KLHL2: variants seen among roughly 807,000 people sequenced by gnomAD.
The protein encoded by KLHL2 is kelch-like protein 2.
KLHL2 carries 15 observed loss-of-function variants against 75.8 expected under a neutral mutation model. The ratio of observed to expected loss-of-function variants is 0.20; its 90% CI spans 0.13 to 0.30. The LOEUF is 0.30. KLHL2 is among the 10% of genes least tolerant of loss of function. KLHL2 has a pLI of 1.00. For missense variants in KLHL2, 381 were observed against 741.0 expected, an observed-to-expected ratio of 0.51 and a Z score of 5.64; for synonymous variants, 214 against 251.9, an observed-to-expected ratio of 0.85 and a Z score of 1.42.
At chr4:165,294,498 A>G (rs1482263575) in intron 6 of KLHL2, 30 bp downstream of exon 6, 3 of 1,248,670 alleles carry the variant, frequency 2.4e-6, no homozygotes, top group Non-Finnish European at 3.5e-6. Context: ...CCCAGTGTGC[A>G]ATGATGTTTC....
intron 5 of KLHL2, among the ~76,000 whole-genome samples, chr4:165,268,114 A>G (rs1274535852): frequency 2.0e-5 from 3 of 151,772 alleles, no homozygotes; most frequent in African/African-American, 7.3e-5. Flanking sequence ...AATTTATAGT[A>G]TTCTCTCATG....
intron 5 of KLHL2, among the ~76,000 whole-genome samples, chr4:165,281,190 G>T (rs561771104): frequency 3.2e-4 from 49 of 151,758 alleles, no homozygotes; most frequent in African/African-American, 9.9e-4. Flanking sequence ...AAATACAAAG[G>T]GTACTTTGTA....
Position 165,279,790 on chromosome 4 carries a change from G to T in KLHL2, c.545-14569G>T, listed in dbSNP as rs970716295. ...CACTTCTTTACTGGCTGGCTAGCAG[G>T]CTACTGCGTTCTCTCTGCAGCTCAT... On this transcript the variant is annotated intron_variant, in intron 5 of 14. Transcript: ENST00000226725. The T allele has an allele frequency of 1.9e-5, 14 of 725,632 alleles. No homozygotes were observed. The Admixed American group carries it at 2.6e-4, about 14-fold the overall frequency. 44.9% of individuals were successfully genotyped at this position (725,632 alleles called of 1,614,324 possible).
Position 165,313,356 on chromosome 4 carries a change from G to A in KLHL2, c.1458G>A (p.Arg486=). 6 of 1,522,434 alleles carry A rather than the reference G, an allele frequency of 3.9e-6. No individual in the cohort carries two copies. Among genetic ancestry groups the A allele is most frequent in the Non-Finnish European group, 5.3e-6 (6 of 1,139,172 alleles). 94.3% of individuals were successfully genotyped at this position (1,522,434 alleles called of 1,614,324 possible). A position where few individuals can be genotyped will look rare whatever the true frequency, so the allele number is the denominator to read the frequency against. The change falls in exon 12 of 15, where the codon CGG becomes CGA. Residue 486 remains arginine, a synonymous_variant. Transcript: ENST00000226725. ...WTYIAEMSTR[R]SGAGVGVLNN... is the part of the protein sequence containing the mutation. ...ATATAGCAGAAATGAGCACCAGGCGGAGTGGAGCAGGTACATGTGAACCTG... is the reference window on the plus strand; with the variant it reads ...ATATAGCAGAAATGAGCACCAGGCGAAGTGGAGCAGGTACATGTGAACCTG...
chr4:165,300,693 TG>T (rs1236451436), intron 8 of KLHL2, among the ~76,000 whole-genome samples: 1 of 152,242 alleles, frequency 6.6e-6, no homozygotes, highest in Non-Finnish European at 1.5e-5. Flanking sequence ...AGCACCATTT[TG>T]TGCGTGGTCT....
intron 4 of KLHL2, among the ~76,000 whole-genome samples, chr4:165,245,287 CTGAA>C (rs2111135424): frequency 6.6e-6 from 1 of 152,244 alleles, no homozygotes; most frequent in African/African-American, 2.4e-5. Flanking sequence ...AGATTCAGGT[CTGAA>C]TGAGATGCTG....
intron 2 of KLHL2, chr4:165,223,952 C>T (rs992278166): frequency 7.1e-5 from 32 of 451,088 alleles, no homozygotes; most frequent in Admixed American, 5.7e-4. Flanking sequence ...TCTCACTCTG[C>T]CACCCAGGCT....
At chr4:165,289,205 A>G (rs1744318633) in intron 5 of KLHL2, among the ~76,000 whole-genome samples, 1 of 152,184 alleles carries the variant, frequency 6.6e-6, no homozygotes, top group Admixed American at 6.5e-5. Flanking sequence ...GTTAATATAA[A>G]TAGAAGAAAG....
chr4:165,244,560 A>G (rs951419565), intron 4 of KLHL2, among the ~76,000 whole-genome samples: 4 of 152,238 alleles, frequency 2.6e-5, no homozygotes, highest in Admixed American at 1.3e-4. Context: ...TCTTAAAAAT[A>G]TTTAAGACAC....
At chr4:165,224,913 C>T (rs1461875192) in intron 2 of KLHL2, among the ~76,000 whole-genome samples, 1 of 152,144 alleles carries the variant, frequency 6.6e-6, no homozygotes, top group Admixed American at 6.5e-5. Context: ...ACTACAGTCA[C>T]CCTATTGTGA....
chr4:165,303,545 TTTA>T (rs1745503118), intron 8 of KLHL2, among the ~76,000 whole-genome samples: 1 of 148,562 alleles, frequency 6.7e-6, no homozygotes. Context: ...GTATATTTTC[TTTA>T]TTAATTATGT....
intron 5 of KLHL2, among the ~76,000 whole-genome samples, chr4:165,277,471 C>T (rs1473930603): frequency 6.6e-6 from 1 of 152,194 alleles, no homozygotes; most frequent in Admixed American, 6.5e-5. Context: ...AAAGGTGTTT[C>T]CGTCTTCTAC....
At chr4:165,278,772 T>G in intron 5 of KLHL2, 6 of 1,552,026 alleles carry the variant, frequency 3.9e-6, no homozygotes, top group Non-Finnish European at 5.3e-6. Context: ...AATACACACT[T>G]ATGGCCTGTA....
intron 5 of KLHL2, among the ~76,000 whole-genome samples, chr4:165,273,718 T>G (rs1742864638): frequency 6.6e-6 from 1 of 152,214 alleles, no homozygotes; most frequent in African/African-American, 2.4e-5. Context: ...GAACTATAAG[T>G]CCATTAAACC....
At chr4:165,281,843 A>G (rs1743719058) in intron 5 of KLHL2, among the ~76,000 whole-genome samples, 1 of 152,232 alleles carries the variant, frequency 6.6e-6, no homozygotes, top group South Asian at 2.1e-4. Context: ...TTTAACGTAT[A>G]TAGCATATTG....
intron 1 of KLHL2, chr4:165,210,320 A>G (rs1425423312): frequency 4.6e-5 from 40 of 875,292 alleles, no homozygotes; most frequent in Non-Finnish European, 6.8e-5. Flanking sequence ...CTTGTTCTCC[A>G]CTGGCCTGTT....
intron 5 of KLHL2, chr4:165,279,367 C>T (rs1579107333): frequency 1.9e-6 from 3 of 1,584,064 alleles, no homozygotes; most frequent in East Asian, 2.2e-5. Flanking sequence ...TGGTTTCCCT[C>T]TGGTTGCTGA....
intron 5 of KLHL2, chr4:165,279,113 A>G (rs765063559): frequency 2.8e-5 from 44 of 1,594,502 alleles, no homozygotes; most frequent in Admixed American, 1.2e-4. Flanking sequence ...CCATGAATCA[A>G]TAGTCCCAAA....
chr4:165,277,620 G>A (rs560781970), intron 5 of KLHL2, among the ~76,000 whole-genome samples: 1 of 152,304 alleles, frequency 6.6e-6, no homozygotes, highest in African/African-American at 2.4e-5. Flanking sequence ...GAGTATGTTT[G>A]ATGGAAGATT....
Sources: allele counts gnomAD v4.1 joint callset (sites outside exome capture counted in the v4.1 genomes callset), GRCh38; gene constraint gnomAD v4.1.1; transcripts MANE v1.5; gene names NCBI Gene and HGNC (gene_info 2026-07-23, HGNC 2026-07-21).